NTN1: variants seen among roughly 807,000 people sequenced by gnomAD.
NTN1 encodes netrin 1.
In NTN1, 11 loss-of-function variants were observed where a neutral mutation model predicts 54.2. The observed-to-expected ratio is 0.20, with a 90% CI of 0.13 to 0.34. The LOEUF is 0.34. Among genes scored for constraint, NTN1 ranks in the 10% least tolerant of loss-of-function variants. The probability of loss-of-function intolerance (pLI) is 1.00; values close to 1 mark genes in which losing one functional copy is unlikely to be tolerated. For missense variants in NTN1, 740 were observed against 893.1 expected, an observed-to-expected ratio of 0.83 and a Z score of 2.18; for synonymous variants, 371 against 382.0, an observed-to-expected ratio of 0.97 and a Z score of 0.33.
Position 9,022,364 on chromosome 17 carries a change from T to C in NTN1, c.-10T>C, listed in dbSNP as rs995135987. ...TCGGCGCGGCAGGGCCGGGGCAAGCTGGACGCAGCATGATGCGCGCAGTGT... is the reference window on the plus strand; with the variant it reads ...TCGGCGCGGCAGGGCCGGGGCAAGCCGGACGCAGCATGATGCGCGCAGTGT... On this transcript the variant is annotated 5_prime_UTR_variant, in exon 2 of 7. Coordinates refer to ENST00000173229, the MANE Select transcript of NTN1 (RefSeq NM_004822.3). 43 of 1,292,512 alleles carry C rather than the reference T, an allele frequency of 3.3e-5. No homozygotes were observed. In the Admixed American group the frequency reaches 7.2e-4, roughly 22 times the overall value. 80.1% of individuals were successfully genotyped at this position (1,292,512 alleles called of 1,614,324 possible).
At chr17:9,036,434 C>A (rs1241926064) in intron 2 of NTN1, among the ~76,000 whole-genome samples, 2 of 126,642 alleles carry the variant, frequency 1.6e-5, no homozygotes, top group Non-Finnish European at 3.1e-5. Context: ...CTCGCTCTGT[C>A]ATCCAGTCTA....
chr17:9,107,153 A>G (rs774813215), intron 2 of NTN1, among the ~76,000 whole-genome samples: 8 of 152,238 alleles, frequency 5.3e-5, no homozygotes, highest in Non-Finnish European at 1.0e-4. Flanking sequence ...CTCCAACTCT[A>G]TGATTCTGAG....
chr17:9,190,252 A>G (rs1400602338), intron 5 of NTN1, among the ~76,000 whole-genome samples: 2 of 152,342 alleles, frequency 1.3e-5, no homozygotes, highest in South Asian at 2.1e-4. Flanking sequence ...AGGAACATGA[A>G]GAACAGAAGA....
At chr17:9,169,232 C>T (rs963204611) in intron 3 of NTN1, among the ~76,000 whole-genome samples, 3 of 152,258 alleles carry the variant, frequency 2.0e-5, no homozygotes, top group African/African-American at 7.2e-5. Context: ...CCAGCTTTGA[C>T]ATTCCACATT....
chr17:9,111,305 C>T (rs2092189730), intron 2 of NTN1, among the ~76,000 whole-genome samples: 1 of 152,262 alleles, frequency 6.6e-6, no homozygotes, highest in East Asian at 1.9e-4. Context: ...AATAAGGTCA[C>T]GTTTACAGGC....
chr17:9,032,487 C>T (rs774953660), intron 2 of NTN1, among the ~76,000 whole-genome samples: 2 of 152,208 alleles, frequency 1.3e-5, no homozygotes, highest in African/African-American at 2.4e-5. Flanking sequence ...ACGTGAAGGT[C>T]GTTCCTTCCA....
intron 6 of NTN1, among the ~76,000 whole-genome samples, chr17:9,222,264 C>T (rs1447841176): frequency 6.6e-6 from 1 of 152,224 alleles, no homozygotes; most frequent in African/African-American, 2.4e-5. Context: ...TGGACATAGC[C>T]CATCTTTCCT....
At chr17:9,142,515 G>A (rs1164013687) in intron 2 of NTN1, among the ~76,000 whole-genome samples, 5 of 151,888 alleles carry the variant, frequency 3.3e-5, no homozygotes, top group African/African-American at 1.2e-4. Flanking sequence ...AGAATAGGAG[G>A]TAAGGATACA....
chr17:9,226,162 C>CAGGGGGGGGGGGG (rs772507723), intron 6 of NTN1, among the ~76,000 whole-genome samples: 2 of 116,454 alleles, frequency 1.7e-5, no homozygotes, highest in Non-Finnish European at 3.7e-5. Flanking sequence ...GATTTGGGGT[C>CAGGGGGGGGGGGG]GGGGGGGGGC....
At chr17:9,224,688 A>G (rs1905475780) in intron 6 of NTN1, among the ~76,000 whole-genome samples, 1 of 152,222 alleles carries the variant, frequency 6.6e-6, no homozygotes, top group Admixed American at 6.5e-5. Flanking sequence ...TCACCTTTCT[A>G]GACCTAATGG....
intron 2 of NTN1, among the ~76,000 whole-genome samples, chr17:9,149,773 A>G (rs561839348): frequency 2.6e-5 from 4 of 152,188 alleles, no homozygotes; most frequent in African/African-American, 9.6e-5. Flanking sequence ...GTCTTATTAT[A>G]AGGAAGGAGC....
chr17:9,105,286 T>C (rs1327421204), intron 2 of NTN1, among the ~76,000 whole-genome samples: 1 of 152,186 alleles, frequency 6.6e-6, no homozygotes, highest in Non-Finnish European at 1.5e-5. Flanking sequence ...AATCCAGCTT[T>C]TCTTCCCTTT....
In NTN1 at chr17:9,151,911, TGCACCAATCAGCACTCTGTAAAAC is replaced by T. The variant is rs2092328662; in HGVS notation, c.1019-10898_1019-10875del. On this transcript the variant is annotated intron_variant, in intron 2 of 6. Coordinates refer to ENST00000173229, the MANE Select transcript of NTN1 (RefSeq NM_004822.3). ...ACACACCAATCAGCACTCTGTAAAATGCACCAATCAGCACTCTGTAAAACGCATCAATCAGCCCGAGTCTAAAAG... is the reference window on the plus strand; with the variant it reads ...ACACACCAATCAGCACTCTGTAAAATGCATCAATCAGCCCGAGTCTAAAAG... Among the ~76,000 whole-genome samples the T allele has an allele frequency of 2.0e-5, 3 of 152,164 alleles. No homozygotes were observed. The South Asian group carries it at 6.2e-4, about 32-fold the overall frequency.
At chr17:9,076,931 A>G (rs1161983167) in intron 2 of NTN1, among the ~76,000 whole-genome samples, 2 of 152,216 alleles carry the variant, frequency 1.3e-5, no homozygotes, top group African/African-American at 4.8e-5. Flanking sequence ...TCTTCTTGCT[A>G]GACGGGTTCC....
intron 2 of NTN1, among the ~76,000 whole-genome samples, chr17:9,047,480 T>C (rs2091944700): frequency 6.6e-6 from 1 of 152,206 alleles, no homozygotes; most frequent in South Asian, 2.1e-4. Context: ...AAGAAGCGAC[T>C]CGTCATCTGT....
chr17:9,106,857 ACC>A (rs1491370428), intron 2 of NTN1, among the ~76,000 whole-genome samples: 1 of 53,376 alleles, frequency 1.9e-5, no homozygotes, highest in East Asian at 2.1e-3. Context: ...CTTCGCCGTC[ACC>A]ATCATCATCA....
rs1028082140 is a variant in NTN1, at chr17:9,212,351, C to T, written c.1412-8817C>T. Among the ~76,000 whole-genome samples, 3 of 152,182 alleles carry T rather than the reference C, an allele frequency of 2.0e-5. No individual in the cohort carries two copies. Among genetic ancestry groups the T allele is most frequent in the Non-Finnish European group, 4.4e-5 (3 of 68,026 alleles). Reference sequence around the variant, plus strand: ...TGTCCTCCATTCTCATCATGCCTCGCGCATGATGGCCCTTATGAAACCCAC... The same window carrying T: ...TGTCCTCCATTCTCATCATGCCTCGTGCATGATGGCCCTTATGAAACCCAC... On this transcript the variant is annotated intron_variant, in intron 5 of 6. Transcript: ENST00000173229. The surrounding 1 kb of genome is among the most constrained non-coding windows in gnomAD (Gnocchi z 5.5).
chr17:9,189,066 A>C (rs1410004399), intron 5 of NTN1, among the ~76,000 whole-genome samples: 4 of 152,220 alleles, frequency 2.6e-5, no homozygotes, highest in African/African-American at 9.6e-5. Flanking sequence ...AGATAAATGG[A>C]TTCTGGCTCA....
At chr17:9,218,889 T>A (rs1905269132) in intron 5 of NTN1, among the ~76,000 whole-genome samples, 1 of 147,068 alleles carries the variant, frequency 6.8e-6, no homozygotes, top group Non-Finnish European at 1.5e-5. Context: ...GAAATGAAAG[T>A]GCTGGTGTGG....
Sources: allele counts gnomAD v4.1 joint callset (sites outside exome capture counted in the v4.1 genomes callset), GRCh38; gene constraint gnomAD v4.1.1; non-coding constraint Gnocchi (gnomAD v3.1); transcripts MANE v1.5; gene names NCBI Gene and HGNC (gene_info 2026-07-23, HGNC 2026-07-21).